Variants in SLC20A2 observed in about 807,000 individuals in gnomAD.
SLC20A2 encodes solute carrier family 20 member 2.
Under a neutral mutation model 61.0 loss-of-function variants are expected in SLC20A2, and 30 were observed. The observed-to-expected ratio is 0.49, with a 90% CI of 0.37 to 0.67. The LOEUF (loss-of-function observed/expected upper bound fraction) is 0.67. SLC20A2 is among the 30% of genes least tolerant of loss of function. The pLI is 0.00. For synonymous variants in SLC20A2, 351 were observed against 353.3 expected, an observed-to-expected ratio of 0.99 and a Z score of 0.07; for missense variants, 626 against 866.4, an observed-to-expected ratio of 0.72 and a Z score of 3.48.
intron 1 of SLC20A2, chr8:42,480,630 A>C (rs1808484462): frequency 6.6e-6 from 1 of 152,102 alleles, no homozygotes. Flanking sequence ...CATGGTGTGG[A>C]GTCTTCTACT....
rs763734394 is a variant in SLC20A2 at position 42,459,877 on chromosome 8, G to C, written c.613+19C>G. On this transcript the variant is annotated intron_variant, in intron 5 of 10. Coordinates refer to ENST00000520262, the MANE Select transcript of SLC20A2 (RefSeq NM_001257180.2). The stretch of plus-strand genomic sequence containing the variant: ...ACAATGCACTTTGCCCCTGGAGTAT[G>C]CTTCCAAGGGATCCTTACCTGGTGC... 4.1e-5 allele frequency: 63 copies of C among 1,521,748 alleles called. No individual in the cohort carries two copies. The highest frequency in any genetic ancestry group is 5.5e-5 in the Non-Finnish European group (60 of 1,097,916). 94.3% of individuals were successfully genotyped at this position (1,521,748 alleles called of 1,614,324 possible). A position where few individuals can be genotyped will look rare whatever the true frequency, so the allele number is the denominator to read the frequency against.
chr8:42,525,522 C>A (rs1003339379), intron 1 of SLC20A2, among the ~76,000 whole-genome samples: 1 of 133,072 alleles, frequency 7.5e-6, no homozygotes, highest in Admixed American at 9.1e-5. Flanking sequence ...GTGGAGGTTG[C>A]GATGAGCTGA....
intron 10 of SLC20A2, among the ~76,000 whole-genome samples, chr8:42,423,271 A>G (rs956217023): frequency 2.0e-5 from 3 of 152,002 alleles, no homozygotes; most frequent in African/African-American, 7.2e-5. Context: ...TCAATATATA[A>G]TTAATTTCTA....
At chr8:42,478,629 C>G (rs1056606155) in intron 1 of SLC20A2, among the ~76,000 whole-genome samples, 2 of 152,204 alleles carry the variant, frequency 1.3e-5, no homozygotes, top group African/African-American at 4.8e-5. Context: ...GAGAGCTCTG[C>G]TGTGCACCTT....
chr8:42,527,481 T>C (rs780514951), intron 1 of SLC20A2, among the ~76,000 whole-genome samples: 4 of 151,762 alleles, frequency 2.6e-5, no homozygotes, highest in Non-Finnish European at 4.4e-5. Context: ...AGTTCATTTT[T>C]AAAAATGGGG....
chr8:42,480,134 T>A (rs1180949036), intron 1 of SLC20A2, among the ~76,000 whole-genome samples: 3 of 152,196 alleles, frequency 2.0e-5, no homozygotes, highest in Non-Finnish European at 2.9e-5. Context: ...TACAATGATG[T>A]AACTTGAGAG....
chr8:42,439,400 G>C (rs1393579446), intron 7 of SLC20A2, 50 bp downstream of exon 7: 1 of 1,585,748 alleles, frequency 6.3e-7, no homozygotes, highest in East Asian at 2.2e-5. Context: ...TCCTCCCCAG[G>C]GAACTTCTCT....
At chr8:42,473,787 TATA>T (rs1807841531) in intron 1 of SLC20A2, among the ~76,000 whole-genome samples, 1 of 152,250 alleles carries the variant, frequency 6.6e-6, no homozygotes, top group Non-Finnish European at 1.5e-5. Flanking sequence ...CCATATACAA[TATA>T]ATAATTTGAC....
rs1391988848 is a variant in SLC20A2, at chr8:42,462,920, C to A, written c.516+85G>T. 4.2e-6 allele frequency: 3 copies of A among 718,176 alleles called. No homozygotes were observed. The East Asian group carries it at 8.0e-5, about 19-fold the overall frequency. 44.5% of individuals were successfully genotyped at this position (718,176 alleles called of 1,614,324 possible). A position where few individuals can be genotyped will look rare whatever the true frequency, so the allele number is the denominator to read the frequency against. On this transcript the variant is annotated intron_variant, in intron 4 of 10. Coordinates refer to ENST00000520262, the MANE Select transcript of SLC20A2 (RefSeq NM_001257180.2). Reference sequence around the variant, plus strand: ...TGACAATGTATGAATACAATTATTCCTCTAACCCCTCTCATTATTAATTTC... The same window carrying A: ...TGACAATGTATGAATACAATTATTCATCTAACCCCTCTCATTATTAATTTC...
At chr8:42,519,809 G>A (rs1811535009) in intron 1 of SLC20A2, among the ~76,000 whole-genome samples, 1 of 152,008 alleles carries the variant, frequency 6.6e-6, no homozygotes. Flanking sequence ...CCCCTCACAT[G>A]TCAAAAGAAT....
intron 1 of SLC20A2, among the ~76,000 whole-genome samples, chr8:42,519,443 T>TAA (rs11284092): frequency 5.9e-4 from 81 of 136,412 alleles, no homozygotes; most frequent in Middle Eastern, 3.7e-3. Flanking sequence ...GACTCCATCT[T>TAA]AAAAAAAAAA....
At chr8:42,439,903 G>T (rs934285745) in intron 6 of SLC20A2, among the ~76,000 whole-genome samples, 2 of 152,018 alleles carry the variant, frequency 1.3e-5, no homozygotes, top group African/African-American at 4.8e-5. Context: ...TGGATAATAT[G>T]GTGAAACCCC....
At chr8:42,424,440 C>T (rs541372726) in intron 10 of SLC20A2, among the ~76,000 whole-genome samples, 31 of 152,174 alleles carry the variant, frequency 2.0e-4, no homozygotes, top group African/African-American at 7.0e-4. Flanking sequence ...CTCAGCCTCC[C>T]GAGTAGCTAG....
At chr8:42,490,748 A>G (rs928236076) in intron 1 of SLC20A2, among the ~76,000 whole-genome samples, 1 of 152,182 alleles carries the variant, frequency 6.6e-6, no homozygotes, top group Non-Finnish European at 1.5e-5. Context: ...CCCGAGAGAA[A>G]GAGGTGAGTT....
chr8:42,445,153 G>A (rs552827691), intron 5 of SLC20A2, among the ~76,000 whole-genome samples: 2 of 151,982 alleles, frequency 1.3e-5, no homozygotes, highest in East Asian at 3.9e-4. Context: ...TTAGCTGGGC[G>A]TGGTGGCGCA....
At position 42,519,369 on chromosome 8, in the gene SLC20A2, G is replaced by A. The variant is rs191983586; in HGVS notation, c.-265+22452C>T. Among the ~76,000 whole-genome samples, 6 of 152,068 alleles carry A rather than the reference G, an allele frequency of 3.9e-5. No homozygotes were observed. The East Asian group carries it at 9.6e-4, about 24-fold the overall frequency. On this transcript the variant is annotated intron_variant, in intron 1 of 10. Coordinates refer to the SLC20A2 transcript ENST00000342228. ...TGAGGCAGGAGAATCGCTTGAACCCGGGAGGCAGAGGTTGCAGTGAGCCAA... is the reference window on the plus strand; with the variant it reads ...TGAGGCAGGAGAATCGCTTGAACCCAGGAGGCAGAGGTTGCAGTGAGCCAA...
chr8:42,529,401 CTA>C (rs1812190450), intron 1 of SLC20A2, among the ~76,000 whole-genome samples: 1 of 152,086 alleles, frequency 6.6e-6, no homozygotes, highest in African/African-American at 2.4e-5. Flanking sequence ...ATCACATATT[CTA>C]TGAGTATATT....
Position 42,437,168 on chromosome 8 carries a change from C to T in SLC20A2, c.1344G>A (p.Glu448=). ...CCAGCTTCATCTCCACGCCGCCCTC[C>T]TCCGCCTCGATCTCCGCCTCTGCCA... ...NAVAEAEIEA[E]EGGVEMKLAS... is the part of the protein sequence containing the mutation. The change falls in exon 8 of 11, where the codon GAG becomes GAA. Residue 448 remains glutamate (E), a synonymous_variant. Coordinates refer to ENST00000520262, the MANE Select transcript of SLC20A2 (RefSeq NM_001257180.2). The surrounding 1 kb of genome is among the most constrained non-coding windows in gnomAD (Gnocchi z 6.4). 2.5e-6 allele frequency: 4 copies of T among 1,613,690 alleles called. No individual in the cohort carries two copies. Among genetic ancestry groups the T allele is most frequent in the Non-Finnish European group, 3.4e-6 (4 of 1,180,024 alleles).
chr8:42,495,854 A>G (rs2131330862), intron 1 of SLC20A2, among the ~76,000 whole-genome samples: 1 of 151,946 alleles, frequency 6.6e-6, no homozygotes, highest in East Asian at 1.9e-4. Context: ...GGTTCAAGCA[A>G]TTCTCCTGCC....
Sources: allele counts gnomAD v4.1 joint callset (sites outside exome capture counted in the v4.1 genomes callset), GRCh38; gene constraint gnomAD v4.1.1; non-coding constraint Gnocchi (gnomAD v3.1); transcripts MANE v1.5; gene names NCBI Gene and HGNC (gene_info 2026-07-23, HGNC 2026-07-21).